DCAF5: variants seen among roughly 807,000 people sequenced by gnomAD.
DCAF5 encodes the protein DDB1- and CUL4-associated factor 5.
In DCAF5, 9 loss-of-function variants were observed where a neutral mutation model predicts 80.7. That is an observed-to-expected ratio of 0.11 (90% CI 0.07 to 0.19). The LOEUF (loss-of-function observed/expected upper bound fraction) is 0.19, where lower values mean the gene tolerates loss of function less well. Ranked by LOEUF, DCAF5 falls within the 10% of genes least tolerant of loss-of-function variation. The pLI is 1.00. For missense variants in DCAF5, 842 were observed against 1,205.7 expected, an observed-to-expected ratio of 0.70 and a Z score of 4.47; for synonymous variants, 433 against 461.9, an observed-to-expected ratio of 0.94 and a Z score of 0.80.
rs1212910639 is a variant in DCAF5, at chr14:69,051,664, T to C, written c.*2193A>G. 6.6e-6 allele frequency: 1 copy of C among 152,322 alleles called. No individual in the cohort carries two copies. Among genetic ancestry groups the C allele is most frequent in the African/African-American group, 2.4e-5 (1 of 41,452 alleles). 9.4% of individuals were successfully genotyped at this position (152,322 alleles called of 1,614,324 possible). The stretch of plus-strand genomic sequence containing the variant: ...AAAGACCAAGTTCTGCATTTGGGAA[T>C]TGTAACTACCAAGTAGCTAGTTCCC... On this transcript the variant is annotated 3_prime_UTR_variant, in exon 9 of 9. Coordinates refer to ENST00000341516, the MANE Select transcript of DCAF5 (RefSeq NM_003861.3).
chr14:69,076,972 T>C (rs1384809338), intron 6 of DCAF5, among the ~76,000 whole-genome samples: 4 of 152,210 alleles, frequency 2.6e-5, no homozygotes, highest in African/African-American at 9.7e-5. Context: ...GTCTCTTATG[T>C]GGCAGCTCCA....
intron 5 of DCAF5, among the ~76,000 whole-genome samples, chr14:69,109,366 T>C (rs1237401791): frequency 6.6e-6 from 1 of 151,156 alleles, no homozygotes; most frequent in Non-Finnish European, 1.5e-5. Flanking sequence ...TACAACATAA[T>C]ATGATAACAT....
chr14:69,084,345 T>C, intron 6 of DCAF5: 1 of 950,630 alleles, frequency 1.1e-6, no homozygotes, highest in Non-Finnish European at 1.7e-6. Flanking sequence ...CCAGGGTTTA[T>C]GTATAAAAAT....
Position 69,118,859 on chromosome 14 carries a change from T to G in DCAF5, c.395+335A>C, listed in dbSNP as rs879879930. Among the ~76,000 whole-genome samples, 2 of 152,194 alleles carry G rather than the reference T, an allele frequency of 1.3e-5. No individual in the cohort carries two copies. Among genetic ancestry groups the G allele is most frequent in the Admixed American group, 6.5e-5 (1 of 15,268 alleles). On this transcript the variant is annotated intron_variant, in intron 3 of 8. Transcript: ENST00000341516. The surrounding 1 kb of genome is among the most constrained non-coding windows in gnomAD (Gnocchi z 4.0). Reference sequence around the variant, plus strand: ...TAAATGAATGAATATGTACAAAGCATTTACAATGGTGTCTGGCACATAGTA... The same window carrying G: ...TAAATGAATGAATATGTACAAAGCAGTTACAATGGTGTCTGGCACATAGTA...
rs1359230807 is a variant in DCAF5, at chr14:69,118,643, T to C, written c.396-365A>G. Among the ~76,000 whole-genome samples the C allele has an allele frequency of 6.6e-6, 1 of 152,214 alleles. No homozygotes were observed. Among genetic ancestry groups the C allele is most frequent in the Non-Finnish European group, 1.5e-5 (1 of 68,036 alleles). On this transcript the variant is annotated intron_variant, in intron 3 of 8. Coordinates refer to ENST00000341516, the MANE Select transcript of DCAF5 (RefSeq NM_003861.3). The surrounding 1 kb of genome is among the most constrained non-coding windows in gnomAD (Gnocchi z 4.0). ...AAAGCTTTAAAGCAGCCAAGTCTGA[T>C]GCCTACAGGATGGGAGAGGGGTCTC...
intron 5 of DCAF5, among the ~76,000 whole-genome samples, chr14:69,112,361 G>T (rs2040397413): frequency 6.6e-6 from 1 of 152,072 alleles, no homozygotes; most frequent in Admixed American, 6.6e-5. Flanking sequence ...GGAAAAATTT[G>T]AAAGGAATTC....
intron 6 of DCAF5, among the ~76,000 whole-genome samples, chr14:69,086,161 A>G (rs909379209): frequency 6.6e-6 from 1 of 152,138 alleles, no homozygotes; most frequent in African/African-American, 2.4e-5. Context: ...GTTCGAGACC[A>G]GCCTGGCCAA....
chr14:69,125,187 C>T (rs1456545647), intron 1 of DCAF5, among the ~76,000 whole-genome samples: 1 of 152,116 alleles, frequency 6.6e-6, no homozygotes, highest in African/African-American at 2.4e-5. Flanking sequence ...AAAAATGAAC[C>T]ATAACTGACA....
At chr14:69,128,570 A>G (rs2040943980) in intron 1 of DCAF5, among the ~76,000 whole-genome samples, 1 of 152,216 alleles carries the variant, frequency 6.6e-6, no homozygotes, top group Non-Finnish European at 1.5e-5. Context: ...TGGGATACTC[A>G]TGGCTCACTA....
intron 6 of DCAF5, among the ~76,000 whole-genome samples, chr14:69,086,625 A>C (rs1314674430): frequency 6.6e-6 from 1 of 151,928 alleles, no homozygotes; most frequent in Non-Finnish European, 1.5e-5. Flanking sequence ...GTTATTAAAA[A>C]AAAAAAAAAA....
At position 69,152,492 on chromosome 14, in the gene DCAF5, T is replaced by G; in HGVS notation, c.214+273A>C. On this transcript the variant is annotated intron_variant, in intron 1 of 8. Coordinates refer to ENST00000341516, the MANE Select transcript of DCAF5 (RefSeq NM_003861.3). This position sits in a 1 kb window ranked among gnomAD's most constrained non-coding sequence, Gnocchi z 4.1. ...CTCGCCCCCCTCCCCGACCTACACT[T>G]TCAGGGCAGGCATCAGGAGAGATCA... 3 of 355,186 alleles carry G rather than the reference T, an allele frequency of 8.4e-6. No homozygotes were observed. Among genetic ancestry groups the G allele is most frequent in the East Asian group, 5.2e-5 (1 of 19,252 alleles). 22.0% of individuals were successfully genotyped at this position (355,186 alleles called of 1,614,324 possible).
rs563988054 is a variant in DCAF5, at chr14:69,061,328, C to A, written c.1074+1056G>T. ...ATTTTAGCTTTTGGCAGGAACATCACCTATTCTTACTTAAAAGTCATTATC... is the reference window on the plus strand; with the variant it reads ...ATTTTAGCTTTTGGCAGGAACATCAACTATTCTTACTTAAAAGTCATTATC... On this transcript the variant is annotated intron_variant, in intron 8 of 8. Coordinates refer to ENST00000341516, the MANE Select transcript of DCAF5 (RefSeq NM_003861.3). Among the ~76,000 whole-genome samples, 302 of 152,222 alleles carry A rather than the reference C, an allele frequency of 2.0e-3. 2 individuals are homozygous for A. The Middle Eastern group carries it at 0.031, about 15-fold the overall frequency.
chr14:69,080,971 GA>G (rs1237268799), intron 6 of DCAF5, among the ~76,000 whole-genome samples: 2 of 150,950 alleles, frequency 1.3e-5, no homozygotes, highest in African/African-American at 4.9e-5. Flanking sequence ...TGACGAGGGG[GA>G]AACCACAGAT....
Position 69,053,588 on chromosome 14 carries a change from G to A in DCAF5, c.*269C>T, listed in dbSNP as rs936863336. On this transcript the variant is annotated 3_prime_UTR_variant, in exon 9 of 9. Coordinates refer to ENST00000341516, the MANE Select transcript of DCAF5 (RefSeq NM_003861.3). ...AAGATTTACTTCCACAGAGCCTTGC[G>A]CGGCACACTACGCTCACGTCTCACT... 13 of 408,620 alleles carry A rather than the reference G, an allele frequency of 3.2e-5. No homozygotes were observed. The highest frequency in any genetic ancestry group is 1.5e-4 in the South Asian group (4 of 26,736). The allele number at this position is 408,620 out of a possible 1,614,324, so 25.3% of individuals were successfully genotyped here.
At chr14:69,088,178 G>A (rs1375556276) in intron 6 of DCAF5, among the ~76,000 whole-genome samples, 2 of 152,108 alleles carry the variant, frequency 1.3e-5, no homozygotes, top group Non-Finnish European at 2.9e-5. Flanking sequence ...TATTTTTGCT[G>A]CCTGTCTTGC....
intron 2 of DCAF5, among the ~76,000 whole-genome samples, chr14:69,122,004 C>T (rs566439704): frequency 6.9e-4 from 105 of 151,846 alleles, no homozygotes; most frequent in Non-Finnish European, 1.4e-3. Flanking sequence ...AAGAAAAAGA[C>T]AGGTGAAGAA....
chr14:69,078,965 C>G (rs2038999786), intron 6 of DCAF5, among the ~76,000 whole-genome samples: 1 of 152,054 alleles, frequency 6.6e-6, no homozygotes, highest in South Asian at 2.1e-4. Context: ...AGGATTCAAG[C>G]AATTTTCATG....
rs570772119 is a variant in DCAF5, at chr14:69,107,274, C to A, written c.665+9092G>T. Among the ~76,000 whole-genome samples the A allele has an allele frequency of 1.8e-3, 273 of 152,294 alleles. 1 individual carries two copies. Among genetic ancestry groups the A allele is most frequent in the African/African-American group, 6.3e-3 (262 of 41,562 alleles). Reference sequence around the variant, plus strand: ...TCTGGTGAGAAGGAATGGACGCAAGCAATCTCTGGCCTAAACCCCAAAGAC... The same window carrying A: ...TCTGGTGAGAAGGAATGGACGCAAGAAATCTCTGGCCTAAACCCCAAAGAC... On this transcript the variant is annotated intron_variant, in intron 5 of 8. Transcript: ENST00000341516.
intron 6 of DCAF5, among the ~76,000 whole-genome samples, chr14:69,091,338 C>T (rs1437735772): frequency 6.6e-6 from 1 of 152,062 alleles, no homozygotes; most frequent in Non-Finnish European, 1.5e-5. Flanking sequence ...TAATGTCTCT[C>T]TCACCAGCAG....
Sources: allele counts gnomAD v4.1 joint callset (sites outside exome capture counted in the v4.1 genomes callset), GRCh38; gene constraint gnomAD v4.1.1; non-coding constraint Gnocchi (gnomAD v3.1); transcripts MANE v1.5; gene names NCBI Gene and HGNC (gene_info 2026-07-23, HGNC 2026-07-21).